Variants in ERCC3 observed in about 807,000 individuals in gnomAD.
ERCC3 encodes the protein general transcription and DNA repair factor IIH helicase/translocase subunit XPB.
ERCC3 carries 66 observed loss-of-function variants against 94.2 expected under a neutral mutation model. The observed-to-expected ratio is 0.70, with a 90% CI of 0.57 to 0.86. The LOEUF is 0.86. ERCC3 is among the 40% of genes least tolerant of loss of function. The pLI is 0.00. For missense variants in ERCC3, 829 were observed against 987.1 expected (o/e 0.84, Z 2.15); for synonymous variants, 349 against 369.1 (o/e 0.95, Z 0.63).
rs1191350523 is a variant in ERCC3, at chr2:127,290,221, T to G, written c.521+3A>C. 4 of 1,613,028 alleles carry G rather than the reference T, an allele frequency of 2.5e-6. No homozygotes were observed. The highest frequency in any genetic ancestry group is 1.3e-5 in the African/African-American group (1 of 74,920). ...GGGACAGGCCTGTCATGGAATCTCT[T>G]ACCTGTTGTGCTTCAAGACCAGCTT... On this transcript the variant is annotated splice_donor_region_variant and intron_variant, in intron 4 of 14. Coordinates refer to ENST00000285398, the MANE Select transcript of ERCC3 (RefSeq NM_000122.2).
chr2:127,290,056 G>A (rs942927385), intron 4 of ERCC3, 168 bp downstream of exon 4: 2 of 769,216 alleles, frequency 2.6e-6, no homozygotes, highest in Admixed American at 4.2e-5. Context: ...AAATACAGTG[G>A]CCAGTGGATG....
At chr2:127,288,582 T>G in intron 7 of ERCC3, 78 bp downstream of exon 7, 1 of 1,218,278 alleles carries the variant, frequency 8.2e-7, no homozygotes, top group South Asian at 1.2e-5. Context: ...TAGGGAAATG[T>G]GCAGAGAGAA....
Position 127,259,225 on chromosome 2 carries a change from C to T in ERCC3, c.2217+71G>A, listed in dbSNP as rs149999990. The stretch of plus-strand genomic sequence containing the variant: ...GGCCCATCCAGGCAGGACTACATGT[C>T]TGTGTCTGTGTCTACAAACGCTGCC... On this transcript the variant is annotated intron_variant, in intron 14 of 14. Transcript: ENST00000285398. The surrounding 1 kb of genome is among the most constrained non-coding windows in gnomAD (Gnocchi z 4.9). 4.1e-5 allele frequency: 64 copies of T among 1,564,424 alleles called. No homozygotes were observed. The African/African-American group carries it at 7.3e-4, about 18-fold the overall frequency.
At chr2:127,262,627 G>A (rs1275796163) in intron 12 of ERCC3, 1 of 152,288 alleles carries the variant, frequency 6.6e-6, no homozygotes, top group Non-Finnish European at 1.5e-5. Flanking sequence ...GGGCTGCCTA[G>A]AGCTGGGGGT....
At chr2:127,262,931 CAT>C (rs1442177349) in intron 12 of ERCC3, 2 of 152,306 alleles carry the variant, frequency 1.3e-5, no homozygotes, top group East Asian at 3.9e-4. Flanking sequence ...TTCCCCACTG[CAT>C]ATTTTTGCCA....
rs975748269 is a variant in ERCC3 at position 127,261,224 on chromosome 2, G to A, written c.2064+4C>T. ...GTCTAACCAGAAGCCAAATGGATAT[G>A]TACCTTGAAGCTATAACCTTGATCT... On this transcript the variant is annotated splice_donor_region_variant and intron_variant, in intron 13 of 14. Transcript: ENST00000285398. 2.6e-6 allele frequency: 4 copies of A among 1,568,324 alleles called. No individual in the cohort carries two copies. Among genetic ancestry groups the A allele is most frequent in the Non-Finnish European group, 3.5e-6 (4 of 1,138,344 alleles).
chr2:127,289,866 T>TA, intron 4 of ERCC3, 42 bp from the exon 5 acceptor site: 15 of 1,611,444 alleles, frequency 9.3e-6, no homozygotes, highest in Non-Finnish European at 1.2e-5. Context: ...GACCAGCAGG[T>TA]ACCTCCTGGA....
rs199934696 is a variant in ERCC3 at position 127,293,715 on chromosome 2, T to C, written c.32A>G (p.Lys11Arg). The C allele has an allele frequency of 4.1e-5, 66 of 1,611,808 alleles. 1 individual carries two copies. In the East Asian group the frequency reaches 1.0e-3, roughly 24 times the overall value. The part of the protein sequence containing the change: MGKRDRADRD[K>R]KKSRKRHYED... ...ATAGTGCCGCTTCCTGGATTTCTTCTTGTCTGCAAGATACCAACACAGAAG... is the reference window on the plus strand; with the variant it reads ...ATAGTGCCGCTTCCTGGATTTCTTCCTGTCTGCAAGATACCAACACAGAAG... Residue 11 changes from lysine to arginine, a missense_variant, in exon 2 of 15, where the codon AAG (lysine) becomes AGG (arginine). By Grantham distance (26) the Lys-to-Arg change is conservative. Transcript: ENST00000285398.
At position 127,257,868 on chromosome 2, in the gene ERCC3, T is replaced by A; in HGVS notation, c.2218-141A>T. 1.0e-6 allele frequency: 1 copy of A among 964,070 alleles called. No individual in the cohort carries two copies. Among genetic ancestry groups the A allele is most frequent in the Non-Finnish European group, 1.6e-6 (1 of 628,550 alleles). 59.7% of individuals were successfully genotyped at this position (964,070 alleles called of 1,614,324 possible). A position where few individuals can be genotyped will look rare whatever the true frequency, so the allele number is the denominator to read the frequency against. On this transcript the variant is annotated intron_variant, in intron 14 of 14. Transcript: ENST00000285398. This position sits in a 1 kb window ranked among gnomAD's most constrained non-coding sequence, Gnocchi z 5.4. ...TTAATAATGTTTACAGATCGCTTAC[T>A]GTCTCAGGCATTGTTCTAAGCATTT...
chr2:127,274,139 C>A lies in ERCC3; in HGVS notation c.1731-1178G>T, dbSNP rs1158983840. On this transcript the variant is annotated intron_variant, in intron 10 of 14. Transcript: ENST00000285398. This position sits in a 1 kb window ranked among gnomAD's most constrained non-coding sequence, Gnocchi z 4.0. ...GACCAGCCTGGCCAACATGGTGAGA[C>A]CCCATCTCTACTAAAAATAAAAAAA... 1.3e-5 allele frequency among the ~76,000 whole-genome samples: 2 copies of A among 151,468 alleles called. No homozygotes were observed. Among genetic ancestry groups the A allele is most frequent in the Admixed American group, 1.3e-4 (2 of 15,208 alleles).
At chr2:127,281,682 CAT>C (rs1466679868) in intron 8 of ERCC3, among the ~76,000 whole-genome samples, 1 of 152,090 alleles carries the variant, frequency 6.6e-6, no homozygotes, top group Admixed American at 6.5e-5. Flanking sequence ...AGTGAAATAA[CAT>C]AGGGTTGCCT....
At chr2:127,287,416 T>C (rs1166474914) in intron 7 of ERCC3, among the ~76,000 whole-genome samples, 1 of 151,956 alleles carries the variant, frequency 6.6e-6, no homozygotes, top group Non-Finnish European at 1.5e-5. Context: ...GTAGATCACA[T>C]GAGGTCAGGA....
intron 10 of ERCC3, among the ~76,000 whole-genome samples, chr2:127,273,286 GC>G (rs1251058404): frequency 6.6e-6 from 1 of 152,084 alleles, no homozygotes; most frequent in African/African-American, 2.4e-5. Context: ...ATTTCATGAA[GC>G]CCAAAGAGAG....
rs1684097404 is a variant in ERCC3, at chr2:127,258,701, A to T, written c.2217+595T>A. On this transcript the variant is annotated intron_variant, in intron 14 of 14. Coordinates refer to ENST00000285398, the MANE Select transcript of ERCC3 (RefSeq NM_000122.2). This position sits in a 1 kb window ranked among gnomAD's most constrained non-coding sequence, Gnocchi z 4.1. Reference sequence around the variant, plus strand: ...CTTCTCCCCTTGGACAGGCCTGCTAATTCTCCATAATGATGCTCTCACTAA... The same window carrying T: ...CTTCTCCCCTTGGACAGGCCTGCTATTTCTCCATAATGATGCTCTCACTAA... Among the ~76,000 whole-genome samples, 1 of 152,214 alleles carries T rather than the reference A, an allele frequency of 6.6e-6. No individual in the cohort carries two copies. Among genetic ancestry groups the T allele is most frequent in the Non-Finnish European group, 1.5e-5 (1 of 68,018 alleles).
chr2:127,283,662 C>T (rs1382538309), intron 8 of ERCC3, among the ~76,000 whole-genome samples: 2 of 152,202 alleles, frequency 1.3e-5, no homozygotes, highest in African/African-American at 4.8e-5. Context: ...TGACCATACA[C>T]TTTGCAATCC....
At position 127,272,801 on chromosome 2, in the gene ERCC3, T is replaced by C. The variant is rs4150487; in HGVS notation, c.1827+64A>G. ...ACATGAATTCACTGTCCAGGAATCA[T>C]AGTGTACCCCCCAGGTCCCCAGAGT... On this transcript the variant is annotated intron_variant, in intron 11 of 14. Coordinates refer to ENST00000285398, the MANE Select transcript of ERCC3 (RefSeq NM_000122.2). 62,198 of 985,002 alleles carry C rather than the reference T, an allele frequency of 0.063. 2,609 individuals carry two copies. The highest frequency in any genetic ancestry group is 0.17 in the African/African-American group (10,544 of 62,690). 61.0% of individuals were successfully genotyped at this position (985,002 alleles called of 1,614,324 possible).
At chr2:127,290,468 T>C in intron 3 of ERCC3, 195 bp from the exon 4 acceptor site, 1 of 650,948 alleles carries the variant, frequency 1.5e-6, no homozygotes, top group Middle Eastern at 4.2e-4. Flanking sequence ...GAGAACAAAA[T>C]CTTCCTCTTG....
intron 8 of ERCC3, among the ~76,000 whole-genome samples, chr2:127,283,807 G>A (rs1261828426): frequency 6.6e-6 from 1 of 152,214 alleles, no homozygotes; most frequent in East Asian, 1.9e-4. Context: ...GTTCCCTGAT[G>A]ACTAATGAGG....
Position 127,289,317 on chromosome 2 carries a change from AG to A in ERCC3, c.822+19del. 1 of 1,609,778 alleles carries A rather than the reference AG, an allele frequency of 6.2e-7. No individual in the cohort carries two copies. The highest frequency in any genetic ancestry group is 2.2e-5 in the East Asian group (1 of 44,870). ...ACAGCAGCTCAGTGAAGGAACCAGG[AG>A]GAAGGTACATTCACTAACCTGCTTG... On this transcript the variant is annotated intron_variant, in intron 6 of 14. Coordinates refer to ENST00000285398, the MANE Select transcript of ERCC3 (RefSeq NM_000122.2).
Sources: allele counts gnomAD v4.1 joint callset (sites outside exome capture counted in the v4.1 genomes callset), GRCh38; gene constraint gnomAD v4.1.1; non-coding constraint Gnocchi (gnomAD v3.1); transcripts MANE v1.5; gene names NCBI Gene and HGNC (gene_info 2026-07-23, HGNC 2026-07-21).